Variants in LAMA2 observed in about 807,000 individuals in gnomAD.
LAMA2 encodes laminin subunit alpha 2.
In LAMA2, 269 loss-of-function variants were observed where a neutral mutation model predicts 364.8. The ratio of observed to expected loss-of-function variants is 0.74; its 90% CI spans 0.67 to 0.82. The LOEUF (loss-of-function observed/expected upper bound fraction) is 0.82, where lower values mean the gene tolerates loss of function less well. LAMA2 is among the 40% of genes least tolerant of loss of function. The probability of loss-of-function intolerance (pLI) is 0.00; values close to 1 mark genes in which losing one functional copy is unlikely to be tolerated. For missense variants in LAMA2, 3,807 were observed against 3,873.2 expected (o/e 0.98, Z 0.45); for synonymous variants, 1,379 against 1,370.6 (o/e 1.01, Z -0.14).
At chr6:129,448,703 G>A (rs1782515088) in intron 45 of LAMA2, among the ~76,000 whole-genome samples, 1 of 152,162 alleles carries the variant, frequency 6.6e-6, no homozygotes, top group African/African-American at 2.4e-5. Context: ...TAATGTTTGA[G>A]TTCATCATGA....
chr6:129,335,356 G>GTAGATAGA (rs35228622), intron 29 of LAMA2, among the ~76,000 whole-genome samples: 3,160 of 148,440 alleles, frequency 0.021, 52 homozygotes, highest in South Asian at 0.028. Context: ...TAGTAAGTAG[G>GTAGATAGA]TAGATAGATA....
chr6:129,340,976 T>A (rs764177129), intron 29 of LAMA2, among the ~76,000 whole-genome samples: 21 of 151,670 alleles, frequency 1.4e-4, no homozygotes, highest in Non-Finnish European at 2.9e-4. Context: ...ACACCAAAAA[T>A]GTAAAAAATA....
rs139843107 is a variant in LAMA2 at position 129,267,137 on chromosome 6, G to C, written c.2240G>C (p.Gly747Ala). 2.0e-5 allele frequency: 32 copies of C among 1,613,186 alleles called. No individual in the cohort carries two copies. In the African/African-American group the frequency reaches 3.1e-4, roughly 15 times the overall value. The change falls in exon 16 of 65, where the codon GGC (glycine) becomes GCC (alanine). Residue 747 changes from glycine to alanine, a missense_variant. Around this residue, in one of 3 missense-constraint regions of LAMA2, gnomAD observed 3,333 missense variants for 3,345.7 expected, o/e 1.00. Transcript: ENST00000421865. ...SCWPRHRRVN[G>A]TIFGGICEPC... Reference sequence around the variant, plus strand: ...TGGCCTAGGCACAGGCGAGTTAACGGCACTATTTTTGGTGGCATCTGTGAG... The same window carrying C: ...TGGCCTAGGCACAGGCGAGTTAACGCCACTATTTTTGGTGGCATCTGTGAG...
chr6:129,048,493 T>TTTCCTTCCCTCCTTCC (rs1787724364), intron 1 of LAMA2, among the ~76,000 whole-genome samples: 1 of 51,306 alleles, frequency 1.9e-5, no homozygotes, highest in African/African-American at 7.6e-5. Flanking sequence ...TCTTTCTTTC[T>TTTCCTTCCCTCCTTCC]TTCCTTCCTT....
At position 129,481,217 on chromosome 6, in the gene LAMA2, A is replaced by G. The variant is rs772921164; in HGVS notation, c.7573-46A>G. On this transcript the variant is annotated intron_variant, in intron 54 of 64. Transcript: ENST00000421865. ...TGAGTGAGATGGAGAACTTATTTAA[A>G]TTTTCATTTCTAATGGTTTCTACTC... 9.9e-6 allele frequency: 15 copies of G among 1,517,686 alleles called. No individual in the cohort carries two copies. In the East Asian group the frequency reaches 3.4e-4, roughly 34 times the overall value. The allele number at this position is 1,517,686 out of a possible 1,614,324, so 94.0% of individuals were successfully genotyped here. A position where few individuals can be genotyped will look rare whatever the true frequency, so the allele number is the denominator to read the frequency against.
intron 1 of LAMA2, among the ~76,000 whole-genome samples, chr6:128,960,843 C>G (rs974171734): frequency 4.6e-5 from 7 of 151,808 alleles, no homozygotes; most frequent in Admixed American, 4.6e-4. Flanking sequence ...ATATGTTTTG[C>G]TAGTTCTCCG....
chr6:129,361,670 T>C (rs1479325833), intron 32 of LAMA2, among the ~76,000 whole-genome samples: 1 of 152,190 alleles, frequency 6.6e-6, no homozygotes, highest in Non-Finnish European at 1.5e-5. Flanking sequence ...AATATGTTGC[T>C]CTGCCACATT....
intron 42 of LAMA2, among the ~76,000 whole-genome samples, chr6:129,439,331 G>T (rs1781988980): frequency 1.3e-5 from 2 of 151,978 alleles, no homozygotes; most frequent in Non-Finnish European, 2.9e-5. Context: ...AAGGTTGGTT[G>T]AATTTACAGA....
At chr6:129,143,807 G>A (rs1444480216) in intron 4 of LAMA2, 94 bp from the exon 5 acceptor site, 3 of 900,142 alleles carry the variant, frequency 3.3e-6, no homozygotes, top group Non-Finnish European at 5.3e-6. Context: ...TTGGGAGAAT[G>A]GGAAGTTAAC....
intron 12 of LAMA2, among the ~76,000 whole-genome samples, chr6:129,202,304 T>TC (rs1453062509): frequency 6.6e-6 from 1 of 151,968 alleles, no homozygotes; most frequent in Non-Finnish European, 1.5e-5. Flanking sequence ...AATGTTGGTG[T>TC]CCCCCTAAAA....
chr6:128,997,238 C>T (rs886387888), intron 1 of LAMA2, among the ~76,000 whole-genome samples: 1 of 150,884 alleles, frequency 6.6e-6, no homozygotes, highest in Non-Finnish European at 1.5e-5. Context: ...TCCTATGTAA[C>T]AAACCTGCAC....
chr6:129,243,203 G>A (rs1230761933), intron 12 of LAMA2, among the ~76,000 whole-genome samples: 1 of 152,076 alleles, frequency 6.6e-6, no homozygotes, highest in Non-Finnish European at 1.5e-5. Context: ...TTATAGCTGA[G>A]TACATGGAAA....
At position 129,514,668 on chromosome 6, in the gene LAMA2, C is replaced by T. The variant is rs571781778; in HGVS notation, c.9211+73C>T. On this transcript the variant is annotated intron_variant, in intron 64 of 64. Coordinates refer to ENST00000421865, the MANE Select transcript of LAMA2 (RefSeq NM_000426.4). ...CTGGTTTTGAAAACATTTATATTTA[C>T]GTGTGTCTAAGAATGTGTGCTTATG... 2.5e-5 allele frequency: 30 copies of T among 1,213,702 alleles called. 1 individual carries two copies. The African/African-American group carries it at 3.6e-4, about 15-fold the overall frequency. The allele number at this position is 1,213,702 out of a possible 1,614,324, so 75.2% of individuals were successfully genotyped here. A position where few individuals can be genotyped will look rare whatever the true frequency, so the allele number is the denominator to read the frequency against.
At chr6:128,996,522 A>T (rs1053966302) in intron 1 of LAMA2, among the ~76,000 whole-genome samples, 3 of 152,252 alleles carry the variant, frequency 2.0e-5, no homozygotes, top group Non-Finnish European at 4.4e-5. Context: ...AACATATGAA[A>T]AAAAGCTCAC....
intron 4 of LAMA2, among the ~76,000 whole-genome samples, chr6:129,107,649 G>A (rs2114893012): frequency 6.6e-6 from 1 of 152,214 alleles, no homozygotes. Flanking sequence ...AGCATTTGTT[G>A]CACATTTATT....
chr6:129,027,180 C>T (rs1167787976), intron 1 of LAMA2, among the ~76,000 whole-genome samples: 1 of 152,008 alleles, frequency 6.6e-6, no homozygotes, highest in Non-Finnish European at 1.5e-5. Flanking sequence ...GTGGAAGGCT[C>T]TCAGCTAGAC....
At chr6:129,133,118 G>T (rs1300341708) in intron 4 of LAMA2, among the ~76,000 whole-genome samples, 1 of 152,110 alleles carries the variant, frequency 6.6e-6, no homozygotes, top group Non-Finnish European at 1.5e-5. Context: ...ATAGACTCAG[G>T]TTTATAAACC....
chr6:129,441,280 AC>A (rs1240756511), intron 43 of LAMA2, among the ~76,000 whole-genome samples: 1 of 152,184 alleles, frequency 6.6e-6, no homozygotes, highest in African/African-American at 2.4e-5. Context: ...GATGCAAAAC[AC>A]TTTTTAATCC....
chr6:129,208,096 A>T (rs1461940889), intron 12 of LAMA2, among the ~76,000 whole-genome samples: 1 of 152,182 alleles, frequency 6.6e-6, no homozygotes, highest in Non-Finnish European at 1.5e-5. Flanking sequence ...TTTCTTGGAG[A>T]TTGCTCACAG....
Sources: allele counts gnomAD v4.1 joint callset (sites outside exome capture counted in the v4.1 genomes callset), GRCh38; gene constraint gnomAD v4.1.1; regional missense constraint gnomAD v4.1.1; transcripts MANE v1.5; gene names NCBI Gene and HGNC (gene_info 2026-07-23, HGNC 2026-07-21).